RANBP2: variants seen among roughly 807,000 people sequenced by gnomAD.
RANBP2 encodes E3 SUMO-protein ligase RanBP2.
RANBP2 carries 57 observed loss-of-function variants against 303.6 expected under a neutral mutation model. That is an observed-to-expected ratio of 0.19 (90% CI 0.15 to 0.23). RANBP2 has a LOEUF of 0.23. Ranked by LOEUF, RANBP2 falls within the 10% of genes least tolerant of loss-of-function variation. The pLI is 1.00. For synonymous variants in RANBP2, 1,167 were observed against 1,301.5 expected (o/e 0.90, Z 2.23); for missense variants, 3,138 against 3,780.8 (o/e 0.83, Z 4.46).
chr2:109,201,577 A>G, the RANBP2 span, among the ~76,000 whole-genome samples: 1 of 151,924 alleles, frequency 6.6e-6, no homozygotes, highest in Non-Finnish European at 1.5e-5. Flanking sequence ...TTCAGTTTTG[A>G]GGTCTCTGAA....
the RANBP2 span, among the ~76,000 whole-genome samples, chr2:109,612,887 T>C: frequency 5.3e-5 from 8 of 152,344 alleles, no homozygotes; most frequent in African/African-American, 1.9e-4. Flanking sequence ...ACGGATCCTC[T>C]AATCTCTCAG....
the RANBP2 span, chr2:109,616,271 T>C: frequency 1.4e-6 from 1 of 717,640 alleles, no homozygotes; most frequent in South Asian, 5.8e-5. Flanking sequence ...CCTTGACCTG[T>C]ACCTCTTCTC....
At chr2:109,614,320 C>T in the RANBP2 span, 1 of 633,408 alleles carries the variant, frequency 1.6e-6, no homozygotes. Flanking sequence ...GGCGTGTCCG[C>T]CCGGGCGCGG....
At chr2:109,109,404 CT>C in the RANBP2 span, among the ~76,000 whole-genome samples, 3 of 152,154 alleles carry the variant, frequency 2.0e-5, no homozygotes, top group Non-Finnish European at 4.4e-5. Context: ...GGAGTTCTAG[CT>C]GTGAATTTCA....
the RANBP2 span, among the ~76,000 whole-genome samples, chr2:109,338,707 G>A: frequency 2.0e-5 from 3 of 152,058 alleles, no homozygotes; most frequent in African/African-American, 4.8e-5. Flanking sequence ...ACAGGCATGC[G>A]CCACCACGCC....
chr2:108,786,956 C>T, downstream of RANBP2: 1 of 1,383,154 alleles, frequency 7.2e-7, no homozygotes, highest in Non-Finnish European at 9.6e-7. Context: ...GCTCCTGCTG[C>T]TGGGGGGCGG....
At chr2:109,354,656 G>T in the RANBP2 span, among the ~76,000 whole-genome samples, 1 of 152,252 alleles carries the variant, frequency 6.6e-6, no homozygotes, top group Non-Finnish European at 1.5e-5. Context: ...CTTTGTAGTG[G>T]TGTCAAAGGG....
intron 28 of RANBP2, 47 bp from the exon 29 acceptor site, chr2:108,783,549 T>G (rs1443904064): frequency 7.0e-7 from 1 of 1,432,640 alleles, no homozygotes; most frequent in Admixed American, 1.8e-5. Context: ...GGATTCCTAT[T>G]AATTGAAAAA....
At chr2:109,730,837 G>A in the RANBP2 span, among the ~76,000 whole-genome samples, 2 of 140,416 alleles carry the variant, frequency 1.4e-5, no homozygotes, top group Non-Finnish European at 3.0e-5. Context: ...TGCCCAGGCT[G>A]GAGTGCAGTG....
chr2:108,925,464 G>T, the RANBP2 span, among the ~76,000 whole-genome samples: 5 of 152,202 alleles, frequency 3.3e-5, no homozygotes, highest in Non-Finnish European at 7.3e-5. Context: ...CATGGGGAGG[G>T]TGGTGGCTCT....
chr2:108,922,425 G>A, the RANBP2 span, among the ~76,000 whole-genome samples: 13 of 152,306 alleles, frequency 8.5e-5, no homozygotes, highest in Non-Finnish European at 1.5e-4. Flanking sequence ...CAAACACATT[G>A]GTGCAGGGCT....
the RANBP2 span, chr2:108,812,755 A>G: frequency 6.2e-7 from 1 of 1,610,244 alleles, no homozygotes; most frequent in Admixed American, 1.7e-5. Flanking sequence ...TTTTTAGATG[A>G]TTACCTTTGA....
At chr2:109,198,962 TATGCAGTCATC>T in the RANBP2 span, among the ~76,000 whole-genome samples, 6 of 152,214 alleles carry the variant, frequency 3.9e-5, no homozygotes, top group African/African-American at 1.2e-4. Context: ...CCCCATGGTA[TATGCAGTCATC>T]ATGGACTGCA....
At chr2:108,953,042 T>C in the RANBP2 span, among the ~76,000 whole-genome samples, 2 of 152,094 alleles carry the variant, frequency 1.3e-5, no homozygotes, top group Non-Finnish European at 2.9e-5. Context: ...ATGTGGTACA[T>C]GAGATATTTT....
At chr2:109,409,794 T>C in the RANBP2 span, among the ~76,000 whole-genome samples, 1 of 151,904 alleles carries the variant, frequency 6.6e-6, no homozygotes, top group Non-Finnish European at 1.5e-5. Flanking sequence ...AAATGTTTTA[T>C]TCTAGAGTTT....
chr2:109,414,924 C>A, the RANBP2 span, among the ~76,000 whole-genome samples: 934 of 152,348 alleles, frequency 6.1e-3, 6 homozygotes, highest in African/African-American at 0.021. Context: ...GAATGTGTCA[C>A]CTCATGTGGC....
the RANBP2 span, among the ~76,000 whole-genome samples, chr2:109,720,038 A>AT: frequency 6.6e-6 from 1 of 152,150 alleles, no homozygotes; most frequent in Non-Finnish European, 1.5e-5. Flanking sequence ...ATTCTGGACT[A>AT]TCACTGCCCT....
At chr2:109,056,111 C>T in the RANBP2 span, among the ~76,000 whole-genome samples, 1 of 151,956 alleles carries the variant, frequency 6.6e-6, no homozygotes, top group Non-Finnish European at 1.5e-5. Context: ...AGAATTTACT[C>T]AATGGTGGCA....
the RANBP2 span, among the ~76,000 whole-genome samples, chr2:109,039,638 T>A: frequency 6.6e-6 from 1 of 152,328 alleles, no homozygotes. Flanking sequence ...CGTGAGCCAC[T>A]GTGCCCGGCC....
Sources: allele counts gnomAD v4.1 joint callset (sites outside exome capture counted in the v4.1 genomes callset), GRCh38; gene constraint gnomAD v4.1.1; transcripts MANE v1.5; gene names NCBI Gene and HGNC (gene_info 2026-07-23, HGNC 2026-07-21).